FAM135A: variants seen among roughly 807,000 people sequenced by gnomAD.
FAM135A encodes family with sequence similarity 135 member A.
Under a neutral mutation model 146.8 loss-of-function variants are expected in FAM135A, and 79 were observed. The observed-to-expected ratio is 0.54, with a 90% CI of 0.45 to 0.65. FAM135A has a LOEUF of 0.65. Ranked by LOEUF, FAM135A falls within the 30% of genes least tolerant of loss-of-function variation. The pLI is 0.00. For synonymous variants in FAM135A, 562 were observed against 603.6 expected, an observed-to-expected ratio of 0.93 and a Z score of 1.01; for missense variants, 1,623 against 1,758.2, an observed-to-expected ratio of 0.92 and a Z score of 1.38.
intron 5 of FAM135A, among the ~76,000 whole-genome samples, chr6:70,458,544 G>A (rs773389224): frequency 6.6e-6 from 1 of 152,062 alleles, no homozygotes; most frequent in African/African-American, 2.4e-5. Context: ...GTATGTATAG[G>A]TAACAACCTT....
chr6:70,431,652 A>C (rs1771668965), intron 4 of FAM135A, among the ~76,000 whole-genome samples: 1 of 152,224 alleles, frequency 6.6e-6, no homozygotes, highest in Non-Finnish European at 1.5e-5. Flanking sequence ...GAATATAAGG[A>C]AGAGCAAAAT....
chr6:70,527,556 A>G (rs1001480492), intron 15 of FAM135A, among the ~76,000 whole-genome samples: 10 of 152,128 alleles, frequency 6.6e-5, no homozygotes, highest in Admixed American at 2.0e-4. Context: ...TCAGAAAGCA[A>G]TGATCTCTAA....
chr6:70,416,313 G>A (rs953767777), intron 2 of FAM135A, among the ~76,000 whole-genome samples: 2 of 152,128 alleles, frequency 1.3e-5, no homozygotes, highest in African/African-American at 2.4e-5. Flanking sequence ...TGTTTGCCAC[G>A]AGTTGACACT....
intron 4 of FAM135A, 99 bp downstream of exon 4, chr6:70,428,518 C>A: frequency 1.5e-6 from 1 of 675,072 alleles, no homozygotes; most frequent in Non-Finnish European, 2.3e-6. Context: ...ATAAGGAAAA[C>A]AATGAACTAT....
At position 70,502,820 on chromosome 6, in the gene FAM135A, A is replaced by AT. The variant is rs764372602; in HGVS notation, c.1029+33dup. On this transcript the variant is annotated intron_variant, in intron 12 of 21. Coordinates refer to ENST00000418814, the MANE Select transcript of FAM135A (RefSeq NM_001162529.3). ...AGTTAAAGAGAAGTGATTTTAGAGC[A>AT]TTTTAATGAGTATTATTTACCTTTA... The AT allele has an allele frequency of 3.8e-6, 6 of 1,591,886 alleles. No homozygotes were observed. The African/African-American group carries it at 8.1e-5, about 22-fold the overall frequency.
intron 4 of FAM135A, among the ~76,000 whole-genome samples, chr6:70,436,184 CAAA>C (rs34761222): frequency 9.4e-5 from 6 of 64,012 alleles, no homozygotes; most frequent in Admixed American, 1.7e-4. Flanking sequence ...GATTCTGTCT[CAAA>C]AAAAAAAAAA....
At chr6:70,526,737 A>G (rs772922023) in intron 15 of FAM135A, 39 bp downstream of exon 15, 6 of 1,288,130 alleles carry the variant, frequency 4.7e-6, no homozygotes, top group Non-Finnish European at 6.5e-6. Context: ...TGCTAAATAT[A>G]TACATATATA....
intron 4 of FAM135A, among the ~76,000 whole-genome samples, chr6:70,442,559 TC>T (rs1192170819): frequency 6.6e-6 from 1 of 152,164 alleles, no homozygotes; most frequent in South Asian, 2.1e-4. Context: ...ATCCTTTTTT[TC>T]TTTTGAAAAT....
rs148327999 is a variant in FAM135A at position 70,415,549 on chromosome 6, A to C, written c.-134+173A>C. On this transcript the variant is annotated intron_variant, in intron 2 of 21. Transcript: ENST00000418814. ...GTGTATGGTAAGAGGTGATGCACTC[A>C]TCAGCTTTTAAGATTTTTTAAAAAT... 3.1e-3 allele frequency among the ~76,000 whole-genome samples: 475 copies of C among 152,326 alleles called. 3 individuals are homozygous for C. The highest frequency in any genetic ancestry group is 0.011 in the African/African-American group (450 of 41,584).
At chr6:70,509,644 A>G (rs1790556888) in intron 12 of FAM135A, among the ~76,000 whole-genome samples, 1 of 152,206 alleles carries the variant, frequency 6.6e-6, no homozygotes, top group South Asian at 2.1e-4. Context: ...TAATTGCTTT[A>G]TAAATGTTAA....
Position 70,524,870 on chromosome 6 carries a change from G to C in FAM135A, c.1786G>C (p.Asp596His). 1.2e-6 allele frequency: 2 copies of C among 1,610,390 alleles called. No homozygotes were observed. The highest frequency in any genetic ancestry group is 1.7e-6 in the Non-Finnish European group (2 of 1,178,112). The change falls in exon 15 of 22, where the codon GAC becomes CAC. Residue 596 changes from aspartate (D) to histidine (H), a missense_variant. Around this residue, in one of 7 missense-constraint regions of FAM135A, gnomAD observed 1,061 missense variants for 1,113.8 expected, o/e 0.95. Transcript: ENST00000418814. ...KSPDIENVQP[D>H]QFDPLNSGNL... ...TCCAGATATTGAAAATGTTCAACCA[G>C]ACCAGTTTGATCCTTTGAACTCTGG... is the stretch of plus-strand genomic sequence containing the variant.
At chr6:70,446,614 A>G (rs909971629) in intron 4 of FAM135A, among the ~76,000 whole-genome samples, 14 of 152,190 alleles carry the variant, frequency 9.2e-5, no homozygotes, top group African/African-American at 3.4e-4. Context: ...GAGCATTTTT[A>G]TTGTAAATAC....
chr6:70,463,762 C>A (rs558750003), intron 5 of FAM135A, among the ~76,000 whole-genome samples: 1 of 152,136 alleles, frequency 6.6e-6, no homozygotes, highest in African/African-American at 2.4e-5. Flanking sequence ...ATCTCAACAG[C>A]CATAAATGGA....
chr6:70,413,756 C>G (rs1209204560), intron 1 of FAM135A, 54 bp downstream of exon 1: 1 of 968,768 alleles, frequency 1.0e-6, no homozygotes, highest in South Asian at 4.8e-5. Flanking sequence ...CCCACGACCC[C>G]TCCCTCCGTC....
Position 70,538,800 on chromosome 6 carries a change from GTTATGTTATATTATATTATATTATA to G in FAM135A, c.4228+404_4228+428del, listed in dbSNP as rs1167667760. Among the ~76,000 whole-genome samples, 23 of 124,046 alleles carry G rather than the reference GTTATGTTATATTATATTATATTATA, an allele frequency of 1.9e-4. 1 individual carries two copies. The highest frequency in any genetic ancestry group is 6.8e-4 in the African/African-American group (21 of 30,824). The allele number at this position is 124,046 out of a possible 152,430, so 81.4% of individuals were successfully genotyped here. Reference sequence around the variant, plus strand: ...CCACGTTTTTCTACCTTCATATTATGTTATGTTATATTATATTATATTATATTATATTATATTATATTATATTATA... The same window carrying G: ...CCACGTTTTTCTACCTTCATATTATGTTATATTATATTATATTATATTATA... On this transcript the variant is annotated intron_variant, in intron 20 of 21. Transcript: ENST00000418814.
chr6:70,467,781 T>C (rs1780758125), intron 5 of FAM135A, among the ~76,000 whole-genome samples: 2 of 152,144 alleles, frequency 1.3e-5, no homozygotes, highest in Non-Finnish European at 2.9e-5. Context: ...CCAAGTGCTC[T>C]TTTGTCTGAG....
At chr6:70,421,914 G>A (rs1768938988) in intron 2 of FAM135A, among the ~76,000 whole-genome samples, 1 of 152,208 alleles carries the variant, frequency 6.6e-6, no homozygotes, top group South Asian at 2.1e-4. Flanking sequence ...TAGATACAGA[G>A]AGTTCCTTGC....
intron 11 of FAM135A, among the ~76,000 whole-genome samples, chr6:70,493,981 G>T (rs959432872): frequency 2.0e-5 from 3 of 150,674 alleles, no homozygotes; most frequent in Non-Finnish European, 3.0e-5. Context: ...TTGAACCCGG[G>T]AGGCAGTGGT....
chr6:70,557,291 A>G (rs981816162), intron 21 of FAM135A: 5 of 207,928 alleles, frequency 2.4e-5, no homozygotes, highest in East Asian at 1.1e-4. Context: ...AATTTAAAGT[A>G]TAGCCATTTG....
Sources: allele counts gnomAD v4.1 joint callset (sites outside exome capture counted in the v4.1 genomes callset), GRCh38; gene constraint gnomAD v4.1.1; regional missense constraint gnomAD v4.1.1; transcripts MANE v1.5; gene names NCBI Gene and HGNC (gene_info 2026-07-23, HGNC 2026-07-21).